WRN: variants seen among roughly 807,000 people sequenced by gnomAD.
WRN encodes the protein WRN RecQ like helicase.
A neutral mutation model predicts 180.7 loss-of-function variants in WRN; 149 were observed. The observed-to-expected ratio is 0.82, with a 90% CI of 0.72 to 0.94. The LOEUF is 0.94. WRN is among the 40% of genes least tolerant of loss of function. WRN has a pLI of 0.00. For missense variants in WRN, 1,661 were observed against 1,700.1 expected (o/e 0.98, Z 0.40); for synonymous variants, 548 against 568.9 (o/e 0.96, Z 0.52).
intron 26 of WRN, among the ~76,000 whole-genome samples, chr8:31,142,237 G>A (rs1802669144): frequency 6.6e-6 from 1 of 152,054 alleles, no homozygotes; most frequent in Non-Finnish European, 1.5e-5. Context: ...ATGATCCACC[G>A]CTCCCAGCCA....
chr8:31,127,275 G>C (rs1344226938), intron 23 of WRN, among the ~76,000 whole-genome samples: 2 of 152,298 alleles, frequency 1.3e-5, no homozygotes, highest in African/African-American at 4.8e-5. Context: ...GAGAAGGTAT[G>C]ATTCCAAAGG....
chr8:31,125,080 AATG>A lies in WRN; in HGVS notation c.2825+83_2825+85del, dbSNP rs1211438477. On this transcript the variant is annotated intron_variant, in intron 23 of 34. Transcript: ENST00000298139. ...TTCATGTTTAACTGAATTTTTGTTGAATGATAAGTATTTCAGTTTTTTAAACAA... is the reference window on the plus strand; with the variant it reads ...TTCATGTTTAACTGAATTTTTGTTGAATAAGTATTTCAGTTTTTTAAACAA... The A allele has an allele frequency of 2.9e-5, 39 of 1,336,758 alleles. No individual in the cohort carries two copies. In the East Asian group the frequency reaches 8.5e-4, roughly 29 times the overall value. 82.8% of individuals were successfully genotyped at this position (1,336,758 alleles called of 1,614,324 possible). A position where few individuals can be genotyped will look rare whatever the true frequency, so the allele number is the denominator to read the frequency against.
intron 3 of WRN, among the ~76,000 whole-genome samples, chr8:31,062,469 G>A (rs1812524781): frequency 6.7e-6 from 1 of 149,376 alleles, no homozygotes; most frequent in Non-Finnish European, 1.5e-5. Flanking sequence ...TGACAGTGGT[G>A]TGATCTTGGT....
intron 18 of WRN, among the ~76,000 whole-genome samples, chr8:31,111,328 A>G (rs969224557): frequency 6.6e-6 from 1 of 152,248 alleles, no homozygotes; most frequent in Non-Finnish European, 1.5e-5. Context: ...GTAGATAGCT[A>G]ACAAGTAGGC....
chr8:31,133,029 A>C (rs1802247102), intron 24 of WRN, among the ~76,000 whole-genome samples: 3 of 152,216 alleles, frequency 2.0e-5, no homozygotes, highest in Admixed American at 2.0e-4. Context: ...TGCCTTTACT[A>C]ATGAATAAAT....
chr8:31,142,379 G>A (rs933466005), intron 26 of WRN, among the ~76,000 whole-genome samples: 1 of 152,188 alleles, frequency 6.6e-6, no homozygotes, highest in Non-Finnish European at 1.5e-5. Flanking sequence ...GTGTGTAGAA[G>A]TGGAAAGGGA....
At chr8:31,043,296 A>C (rs538627752) in intron 1 of WRN, among the ~76,000 whole-genome samples, 1 of 152,332 alleles carries the variant, frequency 6.6e-6, no homozygotes, top group East Asian at 1.9e-4. Flanking sequence ...CCTTGGAAGC[A>C]ATAATTATGG....
At position 31,175,850 on chromosome 8, in the gene WRN, G is replaced by A. The variant is rs1804258382; in HGVS notation, c.*2748G>A. 6.6e-6 allele frequency among the ~76,000 whole-genome samples: 1 copy of A among 152,216 alleles called. No individual in the cohort carries two copies. On this transcript the variant is annotated 3_prime_UTR_variant, in exon 35 of 35. Coordinates refer to ENST00000298139, the MANE Select transcript of WRN (RefSeq NM_000553.6). Reference sequence around the variant, plus strand: ...GTTTTTAAAAATATGTTTTTTAAAAGTATTTATGTTAATGTGTACTTGGTT... The same window carrying A: ...GTTTTTAAAAATATGTTTTTTAAAAATATTTATGTTAATGTGTACTTGGTT...
At position 31,057,935 on chromosome 8, in the gene WRN, C is replaced by T. The variant is rs369844918; in HGVS notation, c.-76-437C>T. 7.2e-5 allele frequency among the ~76,000 whole-genome samples: 11 copies of T among 151,976 alleles called. No individual in the cohort carries two copies. The South Asian group carries it at 2.3e-3, about 32-fold the overall frequency. Reference sequence around the variant, plus strand: ...ACTAGGTGAGGAGCAAAATAAAAATCCTTAATATAGAAGAGCTATTATCTG... The same window carrying T: ...ACTAGGTGAGGAGCAAAATAAAAATTCTTAATATAGAAGAGCTATTATCTG... On this transcript the variant is annotated intron_variant, in intron 1 of 34. Coordinates refer to ENST00000298139, the MANE Select transcript of WRN (RefSeq NM_000553.6).
chr8:31,150,226 A>G, intron 30 of WRN, 115 bp from the exon 31 acceptor site: 2 of 844,394 alleles, frequency 2.4e-6, no homozygotes, highest in East Asian at 2.6e-5. Flanking sequence ...TGGAAAAACT[A>G]TACATTTATT....
At chr8:31,150,525 C>T (rs1424683863) in intron 31 of WRN, 70 bp downstream of exon 31, 14 of 1,300,912 alleles carry the variant, frequency 1.1e-5, no homozygotes, top group African/African-American at 1.5e-5. Flanking sequence ...AAAGTACCCT[C>T]CAGAAGCAAC....
chr8:31,076,270 A>G lies in WRN; in HGVS notation c.822A>G (p.Lys274=), dbSNP rs1585421803. ...LAKHLPHAFS[K]LENPRRVSIL... Reference sequence around the variant, plus strand: ...AGCATCTTCCTCATGCTTTCAGTAAATTGGAAAACCCACGGAGGTTAAATA... The same window carrying G: ...AGCATCTTCCTCATGCTTTCAGTAAGTTGGAAAACCCACGGAGGTTAAATA... Residue 274 remains lysine, a synonymous_variant, in exon 8 of 35, where the codon AAA becomes AAG. Coordinates refer to ENST00000298139, the MANE Select transcript of WRN (RefSeq NM_000553.6). 2.5e-6 allele frequency: 4 copies of G among 1,613,660 alleles called. No homozygotes were observed. The highest frequency in any genetic ancestry group is 1.7e-5 in the Admixed American group (1 of 60,000).
intron 32 of WRN, among the ~76,000 whole-genome samples, chr8:31,157,091 A>C (rs1473544231): frequency 6.6e-6 from 1 of 152,224 alleles, no homozygotes; most frequent in Non-Finnish European, 1.5e-5. Context: ...CGGCTTTCTA[A>C]AGTGAATAGA....
chr8:31,045,784 A>C (rs1811838948), intron 1 of WRN, among the ~76,000 whole-genome samples: 1 of 152,156 alleles, frequency 6.6e-6, no homozygotes, highest in South Asian at 2.1e-4. Context: ...TTTTCAAAAA[A>C]AATTTGCTGC....
At chr8:31,094,566 C>G (rs913308968) in intron 16 of WRN, among the ~76,000 whole-genome samples, 1 of 152,096 alleles carries the variant, frequency 6.6e-6, no homozygotes, top group African/African-American at 2.4e-5. Flanking sequence ...AGGTTGCTCT[C>G]AAACTCCTGG....
At chr8:31,153,074 C>G (rs1025090806) in intron 31 of WRN, among the ~76,000 whole-genome samples, 4 of 151,682 alleles carry the variant, frequency 2.6e-5, no homozygotes, top group Admixed American at 6.6e-5. Context: ...TTGTTCTCAA[C>G]TTTCAGGTGA....
chr8:31,157,572 G>C (rs370274112), intron 33 of WRN, 42 bp downstream of exon 33: 2 of 1,611,304 alleles, frequency 1.2e-6, no homozygotes, highest in African/African-American at 2.7e-5. Context: ...ATGACTTGAT[G>C]AAGTAAACAA....
intron 1 of WRN, among the ~76,000 whole-genome samples, chr8:31,044,984 G>A (rs1405495454): frequency 6.6e-6 from 1 of 152,186 alleles, no homozygotes; most frequent in Non-Finnish European, 1.5e-5. Context: ...TGCCTTCTAT[G>A]AAACATCTTT....
Position 31,096,798 on chromosome 8 carries a change from A to G in WRN, c.1929A>G (p.Pro643=). The change falls in exon 17 of 35, where the codon CCA becomes CCG. Residue 643 remains proline (P), a synonymous_variant. Coordinates refer to ENST00000298139, the MANE Select transcript of WRN (RefSeq NM_000553.6). ...AATACCGGATTGTATACGTAACTCC[A>G]GAATACTGTTCAGGTAACATGGGCC... ...LGKYRIVYVT[P]EYCSGNMGLL... 1 of 1,611,952 alleles carries G rather than the reference A, an allele frequency of 6.2e-7. No individual in the cohort carries two copies. Among genetic ancestry groups the G allele is most frequent in the Non-Finnish European group, 8.5e-7 (1 of 1,179,682 alleles).
Sources: allele counts gnomAD v4.1 joint callset (sites outside exome capture counted in the v4.1 genomes callset), GRCh38; gene constraint gnomAD v4.1.1; transcripts MANE v1.5; gene names NCBI Gene and HGNC (gene_info 2026-07-23, HGNC 2026-07-21).